JARID2: variants seen among roughly 807,000 people sequenced by gnomAD.
The protein encoded by JARID2 is protein Jumonji.
A neutral mutation model predicts 125.6 loss-of-function variants in JARID2; 21 were observed. That is an observed-to-expected ratio of 0.17 (90% confidence interval 0.12 to 0.24). The LOEUF is 0.24. Among genes scored for constraint, JARID2 ranks in the 10% least tolerant of loss-of-function variants. JARID2 has a pLI of 1.00. For missense variants in JARID2, 1,303 were observed against 1,639.6 expected, an observed-to-expected ratio of 0.79 and a Z score of 3.55; for synonymous variants, 736 against 661.6, an observed-to-expected ratio of 1.11 and a Z score of -1.73.
At chr6:15,269,572 ATTTT>A (rs35174256) in intron 1 of JARID2, among the ~76,000 whole-genome samples, 1 of 135,624 alleles carries the variant, frequency 7.4e-6, no homozygotes. Context: ...CTATTTTAAA[ATTTT>A]TTTTTTTTTT....
At chr6:15,447,386 A>AT (rs3835332) in intron 3 of JARID2, among the ~76,000 whole-genome samples, 101,389 of 151,874 alleles carry the variant, frequency 0.67, 34,199 homozygotes, top group East Asian at 0.89. Context: ...TAATAAAAAA[A>AT]ACACATGAAA....
intron 2 of JARID2, among the ~76,000 whole-genome samples, chr6:15,409,369 G>C (rs1285825176): frequency 2.0e-5 from 3 of 152,214 alleles, no homozygotes. Flanking sequence ...TGCCTTCGAG[G>C]GTTGTGACTA....
intron 1 of JARID2, among the ~76,000 whole-genome samples, chr6:15,314,353 G>A (rs1161160218): frequency 6.6e-6 from 1 of 152,144 alleles, no homozygotes; most frequent in African/African-American, 2.4e-5. Flanking sequence ...TGAAGAGCAA[G>A]ACTCTTTTTG....
chr6:15,313,532 C>T (rs1405198578), intron 1 of JARID2, among the ~76,000 whole-genome samples: 1 of 152,140 alleles, frequency 6.6e-6, no homozygotes, highest in Non-Finnish European at 1.5e-5. Context: ...AACACTGAGC[C>T]GAGCCAGGGT....
intron 3 of JARID2, among the ~76,000 whole-genome samples, chr6:15,412,319 G>T (rs1765912841): frequency 6.6e-6 from 1 of 151,952 alleles, no homozygotes; most frequent in African/African-American, 2.4e-5. Context: ...TTTTGGGGGG[G>T]TTGAGGGAGA....
intron 1 of JARID2, among the ~76,000 whole-genome samples, chr6:15,311,525 CCGAGATCG>C (rs774007377): frequency 1.3e-5 from 2 of 152,166 alleles, no homozygotes; most frequent in Non-Finnish European, 2.9e-5. Flanking sequence ...TTGCGGTGAG[CCGAGATCG>C]CGCCATTGTA....
intron 1 of JARID2, among the ~76,000 whole-genome samples, chr6:15,329,893 CAT>C (rs1395066504): frequency 2.0e-5 from 3 of 152,158 alleles, no homozygotes; most frequent in South Asian, 2.1e-4. Context: ...ATTTAAAAAA[CAT>C]ATCTCATATA....
intron 8 of JARID2, 101 bp from the exon 9 acceptor site, chr6:15,504,392 CAGCCGCA>C: frequency 1.3e-6 from 1 of 768,860 alleles, no homozygotes; most frequent in Non-Finnish European, 2.3e-6. Flanking sequence ...AGGTGGCCCA[CAGCCGCA>C]GGGACGCCAA....
At chr6:15,429,811 G>T (rs912264428) in intron 3 of JARID2, among the ~76,000 whole-genome samples, 1 of 152,070 alleles carries the variant, frequency 6.6e-6, no homozygotes, top group Non-Finnish European at 1.5e-5. Context: ...GTACACACAC[G>T]TTTCTACATT....
At chr6:15,401,076 TGGCTTTTGTTGGAGAAATA>T (rs1005885413) in intron 2 of JARID2, 101 of 1,289,128 alleles carry the variant, frequency 7.8e-5, no homozygotes, top group African/African-American at 1.5e-4. Context: ...CAGGCTGGTA[TGGCTTTTGTTGGAGAAATA>T]GGCCTTTGTG....
At chr6:15,369,358 C>G (rs769078624) in intron 1 of JARID2, 4 of 420,546 alleles carry the variant, frequency 9.5e-6, no homozygotes, top group South Asian at 1.8e-5. Flanking sequence ...TGACCAATTG[C>G]TCTTTTTGAT....
chr6:15,362,137 C>A (rs966690751), intron 1 of JARID2, among the ~76,000 whole-genome samples: 2 of 151,894 alleles, frequency 1.3e-5, no homozygotes, highest in African/African-American at 4.8e-5. Flanking sequence ...TCTGCGCCCC[C>A]CCCGCCTCCC....
chr6:15,508,240 C>G (rs1017731583), intron 11 of JARID2, 100 bp from the exon 12 acceptor site: 1 of 684,854 alleles, frequency 1.5e-6, no homozygotes, highest in Non-Finnish European at 2.7e-6. Context: ...CATTTCTTTT[C>G]CTTCTTGTTT....
chr6:15,412,670 A>T (rs550837013), intron 3 of JARID2, among the ~76,000 whole-genome samples: 1 of 152,170 alleles, frequency 6.6e-6, no homozygotes, highest in Non-Finnish European at 1.5e-5. Context: ...AAGTCTTAAG[A>T]ACTCCTTTGT....
At chr6:15,283,142 C>A (rs1760832073) in intron 1 of JARID2, among the ~76,000 whole-genome samples, 5 of 147,656 alleles carry the variant, frequency 3.4e-5, no homozygotes, top group Admixed American at 2.7e-4. Context: ...CCACGCCCGG[C>A]TAATTTTTTG....
At chr6:15,413,022 TG>T (rs376284917) in intron 3 of JARID2, among the ~76,000 whole-genome samples, 7,156 of 67,928 alleles carry the variant, frequency 0.11, 1,123 homozygotes, top group African/African-American at 0.13. Context: ...TTTTTTTTTT[TG>T]TTTTTTTTTT....
At chr6:15,428,217 C>G (rs1766814890) in intron 3 of JARID2, among the ~76,000 whole-genome samples, 1 of 151,788 alleles carries the variant, frequency 6.6e-6, no homozygotes, top group African/African-American at 2.4e-5. Flanking sequence ...ATATTTTTTC[C>G]TTTAGGCTCA....
At chr6:15,458,026 C>T (rs1234257853) in intron 4 of JARID2, among the ~76,000 whole-genome samples, 1 of 152,140 alleles carries the variant, frequency 6.6e-6, no homozygotes, top group Non-Finnish European at 1.5e-5. Flanking sequence ...TAAATAGCTG[C>T]TTTGAAGGGG....
At chr6:15,406,113 A>C (rs1765638254) in intron 2 of JARID2, among the ~76,000 whole-genome samples, 1 of 152,226 alleles carries the variant, frequency 6.6e-6, no homozygotes, top group Non-Finnish European at 1.5e-5. Context: ...GAATAAAGTC[A>C]GTCTTGCGCC....
Sources: allele counts gnomAD v4.1 joint callset (sites outside exome capture counted in the v4.1 genomes callset), GRCh38; gene constraint gnomAD v4.1.1; transcripts MANE v1.5; gene names NCBI Gene and HGNC (gene_info 2026-07-23, HGNC 2026-07-21).